Variants in KL observed in about 807,000 individuals in gnomAD.
KL encodes the protein klotho.
In KL, 62 loss-of-function variants were observed where a neutral mutation model predicts 84.2. That is an observed-to-expected ratio of 0.74 (90% CI 0.60 to 0.91). The LOEUF is 0.91. Ranked by LOEUF, KL falls within the 40% of genes least tolerant of loss-of-function variation. The pLI is 0.00. For missense variants in KL, 1,261 were observed against 1,305.7 expected (o/e 0.97, Z 0.53); for synonymous variants, 528 against 528.0 (o/e 1.00, Z 0.00).
chr13:33,050,438 G>A (rs1309762620), intron 1 of KL, among the ~76,000 whole-genome samples: 1 of 152,188 alleles, frequency 6.6e-6, no homozygotes, highest in African/African-American at 2.4e-5. Context: ...GAACTGGCTC[G>A]TGAAGAGGTG....
chr13:33,036,607 G>A (rs1871154500), intron 1 of KL, among the ~76,000 whole-genome samples: 1 of 152,072 alleles, frequency 6.6e-6, no homozygotes, highest in Non-Finnish European at 1.5e-5. Context: ...CCTGGCTTGG[G>A]TCATTCAACT....
intron 1 of KL, among the ~76,000 whole-genome samples, chr13:33,029,555 A>G (rs887639267): frequency 1.3e-5 from 2 of 152,200 alleles, no homozygotes; most frequent in Non-Finnish European, 1.5e-5. Context: ...AGAGATGACT[A>G]TTGTGTTCTC....
Position 33,016,779 on chromosome 13 carries a change from C to T in KL, c.339C>T (p.Ala113=), listed in dbSNP as rs1356083307. 4 of 1,611,764 alleles carry T rather than the reference C, an allele frequency of 2.5e-6. No homozygotes were observed. The highest frequency in any genetic ancestry group is 1.3e-5 in the African/African-American group (1 of 74,890). The change falls in exon 1 of 5, where the codon GCC becomes GCT. Residue 113 remains alanine, a synonymous_variant. Transcript: ENST00000380099. ...DSRNASLPLG[A]PSPLQPATGD... Reference sequence around the variant, plus strand: ...GGAACGCCAGTCTGCCGTTGGGCGCCCCGTCGCCGCTGCAGCCCGCCACCG... The same window carrying T: ...GGAACGCCAGTCTGCCGTTGGGCGCTCCGTCGCCGCTGCAGCCCGCCACCG...
intron 1 of KL, among the ~76,000 whole-genome samples, chr13:33,037,163 T>G (rs1395734419): frequency 6.6e-6 from 1 of 152,218 alleles, no homozygotes; most frequent in Admixed American, 6.5e-5. Context: ...AGTGTTAGTA[T>G]GTAGTAAGTA....
At chr13:33,035,098 G>A (rs1451903079) in intron 1 of KL, among the ~76,000 whole-genome samples, 1 of 152,174 alleles carries the variant, frequency 6.6e-6, no homozygotes, top group Non-Finnish European at 1.5e-5. Context: ...GAAAGAAGGG[G>A]GAAAGAGCAG....
chr13:33,034,549 A>G (rs1452775806), intron 1 of KL, among the ~76,000 whole-genome samples: 1 of 151,648 alleles, frequency 6.6e-6, no homozygotes, highest in Non-Finnish European at 1.5e-5. Context: ...CCAAAAAAAA[A>G]AATAAATAAA....
chr13:33,049,541 A>T (rs1871666918), intron 1 of KL, among the ~76,000 whole-genome samples: 1 of 152,232 alleles, frequency 6.6e-6, no homozygotes, highest in Non-Finnish European at 1.5e-5. Context: ...TGCTTCCTGG[A>T]GGTGGCGACA....
intron 1 of KL, among the ~76,000 whole-genome samples, chr13:33,025,628 C>T (rs1250939039): frequency 6.6e-6 from 1 of 152,156 alleles, no homozygotes; most frequent in Non-Finnish European, 1.5e-5. Flanking sequence ...TGGGAATTTC[C>T]AAGGCCTCTC....
At chr13:33,050,613 G>A (rs907895473) in intron 1 of KL, among the ~76,000 whole-genome samples, 3 of 152,170 alleles carry the variant, frequency 2.0e-5, no homozygotes, top group Non-Finnish European at 2.9e-5. Flanking sequence ...TCCAGAGGAG[G>A]GGCATGCAGC....
Position 33,065,703 on chromosome 13 carries a change from A to G in KL, c.*1517A>G, listed in dbSNP as rs904803628. ...TTATGTATATATTTTTCTGATTATA[A>G]GAGTAATATATGTTCATTGTAAAAA... On this transcript the variant is annotated 3_prime_UTR_variant, in exon 5 of 5. Coordinates refer to ENST00000380099, the MANE Select transcript of KL (RefSeq NM_004795.4). 10 of 176,710 alleles carry G rather than the reference A, an allele frequency of 5.7e-5. No homozygotes were observed. The highest frequency in any genetic ancestry group is 1.2e-4 in the Non-Finnish European group (10 of 82,274). 10.9% of individuals were successfully genotyped at this position (176,710 alleles called of 1,614,324 possible).
intron 3 of KL, among the ~76,000 whole-genome samples, chr13:33,057,077 C>A (rs1253410380): frequency 5.3e-5 from 8 of 151,886 alleles, no homozygotes; most frequent in Non-Finnish European, 1.0e-4. Flanking sequence ...ACCTCCGTAG[C>A]CTTCCTTCCT....
intron 4 of KL, among the ~76,000 whole-genome samples, chr13:33,063,378 A>C (rs1399862770): frequency 3.9e-5 from 6 of 152,036 alleles, no homozygotes; most frequent in African/African-American, 1.4e-4. Flanking sequence ...TGTCTTGATA[A>C]TTTGCCTATT....
intron 3 of KL, among the ~76,000 whole-genome samples, chr13:33,056,673 G>C (rs2138236574): frequency 6.6e-6 from 1 of 152,140 alleles, no homozygotes; most frequent in East Asian, 1.9e-4. Context: ...GGGTGTGGTG[G>C]CGGGCACCTG....
At chr13:33,043,435 G>C (rs990437284) in intron 1 of KL, among the ~76,000 whole-genome samples, 2 of 152,114 alleles carry the variant, frequency 1.3e-5, no homozygotes, top group Admixed American at 1.3e-4. Context: ...GCCCAAGTTG[G>C]TCTCGAACTC....
At chr13:33,062,865 T>C (rs1309422520) in intron 4 of KL, among the ~76,000 whole-genome samples, 1 of 151,792 alleles carries the variant, frequency 6.6e-6, no homozygotes, top group African/African-American at 2.4e-5. Context: ...GAGAATAACT[T>C]CCAATCCTGC....
At chr13:33,033,287 A>C (rs1871038890) in intron 1 of KL, among the ~76,000 whole-genome samples, 1 of 152,148 alleles carries the variant, frequency 6.6e-6, no homozygotes, top group South Asian at 2.1e-4. Flanking sequence ...AGAGTGAAAA[A>C]CCATGTCATT....
In KL at chr13:33,060,733, C is replaced by T; in HGVS notation, c.1654C>T (p.His552Tyr). Reference sequence around the variant, plus strand: ...CCTGAATGTTTACCTGTGGGATGTCCACCACAGTAAAAGGCTTATTAAAGT... The same window carrying T: ...CCTGAATGTTTACCTGTGGGATGTCTACCACAGTAAAAGGCTTATTAAAGT... ...TDLNVYLWDV[H>Y]HSKRLIKVDG... Residue 552 changes from histidine (H) to tyrosine (Y), a missense_variant, in exon 4 of 5, where the codon CAC (histidine) becomes TAC (tyrosine). Physicochemically the swap from His to Tyr is moderately conservative, Grantham distance 83. Coordinates refer to ENST00000380099, the MANE Select transcript of KL (RefSeq NM_004795.4). 2 of 1,614,000 alleles carry T rather than the reference C, an allele frequency of 1.2e-6. No homozygotes were observed. The highest frequency in any genetic ancestry group is 1.7e-6 in the Non-Finnish European group (2 of 1,179,858).
rs141833048 is a variant in KL, at chr13:33,043,986, C to T, written c.820-9781C>T. ...TGTTCTATAAGTTTTATAGTTTTAG[C>T]TTTTAGCTTTGGATCTATGATCTGT... is the stretch of plus-strand genomic sequence containing the variant. On this transcript the variant is annotated intron_variant, in intron 1 of 4. Coordinates refer to ENST00000380099, the MANE Select transcript of KL (RefSeq NM_004795.4). 7.6e-3 allele frequency among the ~76,000 whole-genome samples: 1,154 copies of T among 151,446 alleles called. 8 individuals carry two copies. The highest frequency in any genetic ancestry group is 0.027 in the African/African-American group (1,110 of 41,232).
intron 3 of KL, among the ~76,000 whole-genome samples, chr13:33,058,301 G>A (rs1854165254): frequency 6.7e-6 from 1 of 149,252 alleles, no homozygotes; most frequent in Admixed American, 6.7e-5. Flanking sequence ...ATTAATGGAG[G>A]TTAGGTGGAA....
Sources: gnomAD v4.1 joint callset for allele counts (sites outside exome capture counted in the v4.1 genomes callset) on GRCh38, gnomAD v4.1.1 for gene constraint, MANE v1.5 for transcripts, NCBI Gene and HGNC (gene_info 2026-07-23, HGNC 2026-07-21) for gene names.